The following PDE4D variants were observed in gnomAD, a reference collection of about 807,000 sequenced individuals.
The protein encoded by PDE4D is phosphodiesterase 4D.
PDE4D carries 24 observed loss-of-function variants against 87.4 expected under a neutral mutation model. The ratio of observed to expected loss-of-function variants is 0.27; its 90% CI spans 0.20 to 0.39. The LOEUF is 0.39. PDE4D is among the 10% of genes least tolerant of loss of function. The pLI, the probability that PDE4D is intolerant of heterozygous loss-of-function variation, is 1.00. For synonymous variants in PDE4D, 384 were observed against 383.2 expected (o/e 1.00, Z -0.02); for missense variants, 714 against 1,041.0 (o/e 0.69, Z 4.32).
intron 1 of PDE4D, among the ~76,000 whole-genome samples, chr5:60,225,032 A>T (rs1744926946): frequency 6.6e-6 from 1 of 152,020 alleles, no homozygotes; most frequent in Non-Finnish European, 1.5e-5. Flanking sequence ...GTATTTTCCC[A>T]GGTACCACCT....
At chr5:58,976,106 T>C (rs1743691506) in intron 13 of PDE4D, among the ~76,000 whole-genome samples, 1 of 152,192 alleles carries the variant, frequency 6.6e-6, no homozygotes, top group Non-Finnish European at 1.5e-5. Flanking sequence ...GCTGCTTAAG[T>C]GGCTGGTTCT....
At chr5:59,099,745 A>T (rs1459195300) in intron 5 of PDE4D, among the ~76,000 whole-genome samples, 1 of 152,146 alleles carries the variant, frequency 6.6e-6, no homozygotes, top group Non-Finnish European at 1.5e-5. Flanking sequence ...CTATTATACA[A>T]AGGAAGTTTG....
At chr5:60,225,762 A>T (rs1745020882) in intron 1 of PDE4D, among the ~76,000 whole-genome samples, 1 of 152,262 alleles carries the variant, frequency 6.6e-6, no homozygotes, top group Non-Finnish European at 1.5e-5. Context: ...TGTACAGTAC[A>T]TATATTACCT....
chr5:60,395,519 A>T (rs1376510713), intron 1 of PDE4D, among the ~76,000 whole-genome samples: 1 of 152,150 alleles, frequency 6.6e-6, no homozygotes, highest in Non-Finnish European at 1.5e-5. Flanking sequence ...ATCAAAGACC[A>T]CAACATAAAA....
At chr5:59,454,607 G>T (rs1201442552) in intron 1 of PDE4D, among the ~76,000 whole-genome samples, 1 of 152,146 alleles carries the variant, frequency 6.6e-6, no homozygotes, top group Admixed American at 6.5e-5. Context: ...ACTGGTACCA[G>T]TAGAGTGGTG....
At chr5:59,162,146 G>A (rs2153465528) in intron 5 of PDE4D, among the ~76,000 whole-genome samples, 1 of 152,306 alleles carries the variant, frequency 6.6e-6, no homozygotes, top group Middle Eastern at 3.4e-3. Context: ...GGCCTAGGAA[G>A]CTGGGGACAA....
chr5:60,114,304 A>G (rs1354756626), intron 2 of PDE4D, among the ~76,000 whole-genome samples: 1 of 152,126 alleles, frequency 6.6e-6, no homozygotes, highest in Non-Finnish European at 1.5e-5. Flanking sequence ...TTTAAATGTA[A>G]TAAAACATCT....
chr5:60,034,798 T>C (rs1767606669), intron 2 of PDE4D, among the ~76,000 whole-genome samples: 2 of 152,192 alleles, frequency 1.3e-5, no homozygotes, highest in South Asian at 2.1e-4. Flanking sequence ...CTCTGCAAGA[T>C]GAGAAATATT....
intron 1 of PDE4D, among the ~76,000 whole-genome samples, chr5:59,297,655 C>T (rs1328084725): frequency 1.3e-5 from 2 of 151,976 alleles, no homozygotes; most frequent in Non-Finnish European, 2.9e-5. Flanking sequence ...GTCCCCAGTA[C>T]CTAGAACAGT....
At chr5:59,123,240 T>A (rs978816227) in intron 5 of PDE4D, among the ~76,000 whole-genome samples, 1 of 152,228 alleles carries the variant, frequency 6.6e-6, no homozygotes, top group African/African-American at 2.4e-5. Context: ...GAACTTCATC[T>A]GGAAGTCACA....
At chr5:59,211,946 A>G (rs959295785) in intron 2 of PDE4D, among the ~76,000 whole-genome samples, 1 of 152,146 alleles carries the variant, frequency 6.6e-6, no homozygotes. Flanking sequence ...CAGTTCAATT[A>G]AATAGATAAC....
chr5:59,756,643 A>G lies in PDE4D; in HGVS notation c.455+136525T>C, dbSNP rs200054895. Among the ~76,000 whole-genome samples the G allele has an allele frequency of 5.9e-5, 9 of 152,160 alleles. No individual in the cohort carries two copies. The East Asian group carries it at 7.7e-4, about 13-fold the overall frequency. ...CAAAACCAACATCACCAGGACTTCT[A>G]GTCTGGAAGGGTATGGATCCCCCTG... On this transcript the variant is annotated intron_variant, in intron 1 of 14. Transcript: ENST00000340635.
intron 4 of PDE4D, among the ~76,000 whole-genome samples, chr5:59,182,109 T>C (rs1741755044): frequency 6.6e-6 from 1 of 152,202 alleles, no homozygotes; most frequent in African/African-American, 2.4e-5. Context: ...TTCTGAATTA[T>C]TTTAGTTTTT....
At chr5:59,892,186 G>C (rs970102761) in intron 1 of PDE4D, among the ~76,000 whole-genome samples, 1 of 152,122 alleles carries the variant, frequency 6.6e-6, no homozygotes, top group African/African-American at 2.4e-5. Flanking sequence ...CCACCTCCAC[G>C]CCTGAGTTAA....
chr5:59,621,286 C>A (rs902028625), intron 1 of PDE4D, among the ~76,000 whole-genome samples: 1 of 152,154 alleles, frequency 6.6e-6, no homozygotes, highest in African/African-American at 2.4e-5. Context: ...ATTAGCAATA[C>A]CCTTTGCTTC....
intron 11 of PDE4D, among the ~76,000 whole-genome samples, chr5:58,985,799 G>C (rs1419323756): frequency 6.6e-6 from 1 of 152,148 alleles, no homozygotes; most frequent in Non-Finnish European, 1.5e-5. Context: ...CTAAAAATAA[G>C]CACAAATTTT....
At chr5:60,143,518 G>C (rs958859293) in intron 2 of PDE4D, among the ~76,000 whole-genome samples, 1 of 151,834 alleles carries the variant, frequency 6.6e-6, no homozygotes, top group African/African-American at 2.4e-5. Flanking sequence ...CGGCACATTA[G>C]AATCACCTGC....
chr5:60,247,828 T>A (rs952214438), intron 1 of PDE4D, among the ~76,000 whole-genome samples: 23 of 152,040 alleles, frequency 1.5e-4, no homozygotes, highest in African/African-American at 5.3e-4. Flanking sequence ...TGGCTTTTCT[T>A]CTTCCTTTCC....
chr5:59,793,181 A>G (rs1766023216), intron 1 of PDE4D, among the ~76,000 whole-genome samples: 1 of 152,224 alleles, frequency 6.6e-6, no homozygotes, highest in South Asian at 2.1e-4. Flanking sequence ...ACTCAGAGGC[A>G]GAATGACTCA....
Sources: gnomAD v4.1 joint callset for allele counts (sites outside exome capture counted in the v4.1 genomes callset) on GRCh38, gnomAD v4.1.1 for gene constraint, MANE v1.5 for transcripts, NCBI Gene and HGNC (gene_info 2026-07-23, HGNC 2026-07-21) for gene names.